R3HDM2: variants seen among roughly 807,000 people sequenced by gnomAD.
The protein encoded by R3HDM2 is R3H domain containing 2.
In R3HDM2, 38 loss-of-function variants were observed where a neutral mutation model predicts 124.5. That is an observed-to-expected ratio of 0.31 (90% CI 0.24 to 0.40). The LOEUF is 0.40. Among genes scored for constraint, R3HDM2 ranks in the 10% least tolerant of loss-of-function variants. The pLI is 1.00. For synonymous variants in R3HDM2, 391 were observed against 448.0 expected, an observed-to-expected ratio of 0.87 and a Z score of 1.61; for missense variants, 869 against 1,236.9, an observed-to-expected ratio of 0.70 and a Z score of 4.46.
intron 1 of R3HDM2, among the ~76,000 whole-genome samples, chr12:57,428,755 T>A (rs1042963883): frequency 3.3e-5 from 5 of 152,094 alleles, no homozygotes; most frequent in Admixed American, 6.6e-5. Context: ...ATTATTTTTT[T>A]TTTTTTTTTG....
intron 1 of R3HDM2, among the ~76,000 whole-genome samples, chr12:57,407,908 G>A (rs1463226050): frequency 6.6e-6 from 1 of 151,898 alleles, no homozygotes; most frequent in Non-Finnish European, 1.5e-5. Context: ...GGGGACTACA[G>A]GTGCGTGCCA....
intron 1 of R3HDM2, among the ~76,000 whole-genome samples, chr12:57,413,273 C>T (rs776011706): frequency 2.6e-5 from 4 of 152,100 alleles, no homozygotes; most frequent in Non-Finnish European, 5.9e-5. Context: ...ACCATAACTA[C>T]TCATAAATCA....
intron 2 of R3HDM2, among the ~76,000 whole-genome samples, chr12:57,372,081 GGT>G (rs2063459306): frequency 6.6e-6 from 1 of 152,132 alleles, no homozygotes; most frequent in African/African-American, 2.4e-5. Flanking sequence ...TGGTCAGGCT[GGT>G]CTTGAACTCC....
chr12:57,366,237 C>T (rs947440158), intron 2 of R3HDM2, among the ~76,000 whole-genome samples: 1 of 152,054 alleles, frequency 6.6e-6, no homozygotes, highest in East Asian at 1.9e-4. Flanking sequence ...TCACTGCAGC[C>T]TTGAATTCCT....
chr12:57,401,379 A>G (rs964387039), intron 1 of R3HDM2, among the ~76,000 whole-genome samples: 1 of 152,080 alleles, frequency 6.6e-6, no homozygotes, highest in African/African-American at 2.4e-5. Context: ...GCAAGAGGCC[A>G]TACCAACCTA....
chr12:57,320,835 C>G (rs1355125288), intron 2 of R3HDM2, among the ~76,000 whole-genome samples: 1 of 152,080 alleles, frequency 6.6e-6, no homozygotes, highest in Non-Finnish European at 1.5e-5. Flanking sequence ...AGGGGATATT[C>G]AGAGACAGAA....
At chr12:57,380,988 C>T (rs772703197) in intron 2 of R3HDM2, among the ~76,000 whole-genome samples, 21 of 147,806 alleles carry the variant, frequency 1.4e-4, no homozygotes, top group Non-Finnish European at 2.7e-4. Context: ...CCAGCACTTT[C>T]GGAGGCAGAG....
At chr12:57,430,601 C>T in intron 1 of R3HDM2, 119 bp downstream of exon 1, 1 of 984,842 alleles carries the variant, frequency 1.0e-6, no homozygotes, top group Non-Finnish European at 1.2e-6. Context: ...CCGGGACCGG[C>T]TGCCGGGCGC....
intron 11 of R3HDM2, 30 bp from the exon 12 acceptor site, chr12:57,289,070 CT>C: frequency 6.5e-7 from 1 of 1,529,668 alleles, no homozygotes; most frequent in Non-Finnish European, 8.9e-7. Flanking sequence ...CGGAAAATAA[CT>C]TATAAGAAAA....
In R3HDM2 at chr12:57,254,529, A is replaced by T; in HGVS notation, c.*244T>A. 1.5e-5 allele frequency: 6 copies of T among 406,624 alleles called. No individual in the cohort carries two copies. Among genetic ancestry groups the T allele is most frequent in the Non-Finnish European group, 1.7e-5 (4 of 229,944 alleles). The allele number at this position is 406,624 out of a possible 1,614,324, so 25.2% of individuals were successfully genotyped here. A position where few individuals can be genotyped will look rare whatever the true frequency, so the allele number is the denominator to read the frequency against. On this transcript the variant is annotated 3_prime_UTR_variant, in exon 24 of 24. Coordinates refer to ENST00000402412, the MANE Select transcript of R3HDM2 (RefSeq NM_001394031.1). ...AAAAAAAAAAAAAAAAAAAAAGAAGAGGATGGGAAGAAGAGTGATGCAAGG... is the reference window on the plus strand; with the variant it reads ...AAAAAAAAAAAAAAAAAAAAAGAAGTGGATGGGAAGAAGAGTGATGCAAGG...
intron 2 of R3HDM2, among the ~76,000 whole-genome samples, chr12:57,327,069 AAGG>A (rs1399154124): frequency 6.6e-6 from 1 of 152,168 alleles, no homozygotes; most frequent in African/African-American, 2.4e-5. Context: ...TCATATGTAC[AAGG>A]AGATTAATGT....
intron 2 of R3HDM2, among the ~76,000 whole-genome samples, chr12:57,314,902 A>G (rs945560288): frequency 6.6e-6 from 1 of 152,100 alleles, no homozygotes; most frequent in African/African-American, 2.4e-5. Context: ...TCACTCTGTC[A>G]CCCAGGCTGC....
chr12:57,326,292 A>G (rs1307465042), intron 2 of R3HDM2, among the ~76,000 whole-genome samples: 1 of 152,236 alleles, frequency 6.6e-6, no homozygotes, highest in Non-Finnish European at 1.5e-5. Context: ...CAAAAGCTGG[A>G]AATTATGCTT....
At position 57,256,065 on chromosome 12, in the gene R3HDM2, C is replaced by T; in HGVS notation, c.2557G>A (p.Gly853Arg). The change falls in exon 23 of 24, where the codon GGA (glycine) becomes AGA (arginine). Residue 853 changes from glycine (G) to arginine (R), a missense_variant. By Grantham distance (125) the Gly-to-Arg change is moderately radical. This residue lies in a region of R3HDM2 where 602 missense variants were observed against 789.2 expected (regional missense o/e 0.76). Transcript: ENST00000402412. ...TTGCCCCGGTTTCCATGCTTCAGTC[C>T]ACTCTGTCCCTTCAACATTTGAAAG... is the stretch of plus-strand genomic sequence containing the variant. Reference protein sequence around the residue: ...STYTVHQGQSGLKHGNRGKRQ... With the variant: ...STYTVHQGQSRLKHGNRGKRQ... 6.2e-7 allele frequency: 1 copy of T among 1,613,880 alleles called. No individual in the cohort carries two copies. Among genetic ancestry groups the T allele is most frequent in the South Asian group, 1.1e-5 (1 of 91,074 alleles).
chr12:57,264,048 T>C (rs1343652135), intron 19 of R3HDM2, among the ~76,000 whole-genome samples: 1 of 151,858 alleles, frequency 6.6e-6, no homozygotes, highest in Non-Finnish European at 1.5e-5. Context: ...ATCAGGCCCA[T>C]CCTGGCCAAC....
chr12:57,370,606 C>T (rs2137927832), intron 2 of R3HDM2, among the ~76,000 whole-genome samples: 1 of 152,150 alleles, frequency 6.6e-6, no homozygotes, highest in Middle Eastern at 3.4e-3. Context: ...CGCCATTGCA[C>T]TCCAGCCTGG....
At chr12:57,337,139 T>TTTGTTG (rs528126049) in intron 2 of R3HDM2, among the ~76,000 whole-genome samples, 110 of 151,342 alleles carry the variant, frequency 7.3e-4, no homozygotes, top group Middle Eastern at 3.4e-3. Flanking sequence ...TTTCTCTCTT[T>TTTGTTG]TTGTTGTTGT....
At chr12:57,289,669 T>A (rs2048187765) in intron 11 of R3HDM2, among the ~76,000 whole-genome samples, 1 of 152,198 alleles carries the variant, frequency 6.6e-6, no homozygotes, top group Non-Finnish European at 1.5e-5. Flanking sequence ...TGTGGTGGAT[T>A]CCCAAGCTTT....
At chr12:57,255,936 A>T in intron 23 of R3HDM2, 54 bp downstream of exon 23, 1 of 1,466,908 alleles carries the variant, frequency 6.8e-7, no homozygotes, top group Non-Finnish European at 9.4e-7. Context: ...ACTGGTAATT[A>T]AGCGCTGGAA....
Sources: gnomAD v4.1 joint callset for allele counts (sites outside exome capture counted in the v4.1 genomes callset) on GRCh38, gnomAD v4.1.1 for gene constraint, gnomAD v4.1.1 regional missense constraint, MANE v1.5 for transcripts, NCBI Gene and HGNC (gene_info 2026-07-23, HGNC 2026-07-21) for gene names.